Variants in INPP5A observed in about 807,000 individuals in gnomAD.
INPP5A encodes the protein 43 kDa inositol polyphosphate 5-phophatase.
INPP5A carries 14 observed loss-of-function variants against 65.2 expected under a neutral mutation model. That is an observed-to-expected ratio of 0.21 (90% CI 0.14 to 0.34). The LOEUF (loss-of-function observed/expected upper bound fraction) is 0.34. Among genes scored for constraint, INPP5A ranks in the 10% least tolerant of loss-of-function variants. INPP5A has a pLI of 1.00. For synonymous variants in INPP5A, 207 were observed against 208.3 expected (o/e 0.99, Z 0.05); for missense variants, 431 against 545.6 (o/e 0.79, Z 2.09).
intron 1 of INPP5A, among the ~76,000 whole-genome samples, chr10:132,597,615 G>T (rs762030414): frequency 1.3e-5 from 2 of 152,194 alleles, no homozygotes; most frequent in African/African-American, 2.4e-5. Context: ...CAGAGCGGTT[G>T]TAAAAACTGT....
intron 3 of INPP5A, among the ~76,000 whole-genome samples, chr10:132,649,613 A>G (rs931172805): frequency 6.6e-6 from 1 of 150,884 alleles, no homozygotes; most frequent in African/African-American, 2.4e-5. Flanking sequence ...TTCAATGTGG[A>G]CCCCCCTTCT....
In INPP5A at chr10:132,555,773, G is replaced by C. The variant is rs75509020; in HGVS notation, c.75+17602G>C. On this transcript the variant is annotated intron_variant, in intron 1 of 15. Coordinates refer to ENST00000368594, the MANE Select transcript of INPP5A (RefSeq NM_005539.5). The surrounding 1 kb of genome is among the most constrained non-coding windows in gnomAD (Gnocchi z 4.4). ...CTGACACACCTTGTCACACTCTGCA[G>C]GGTGTTTTGTTGCCCTCAGCACGTG... Among the ~76,000 whole-genome samples the C allele has an allele frequency of 9.4e-4, 143 of 152,310 alleles. 11 individuals carry two copies. The East Asian group carries it at 0.027, about 29-fold the overall frequency.
At chr10:132,658,808 G>A (rs898755894) in intron 4 of INPP5A, among the ~76,000 whole-genome samples, 5 of 152,078 alleles carry the variant, frequency 3.3e-5, no homozygotes, top group Non-Finnish European at 5.9e-5. Flanking sequence ...TGCTGAGACC[G>A]CCAAAGCCAC....
intron 2 of INPP5A, among the ~76,000 whole-genome samples, chr10:132,623,817 C>T (rs989935982): frequency 2.0e-5 from 3 of 152,076 alleles, no homozygotes; most frequent in Non-Finnish European, 4.4e-5. Context: ...AAGCAAAGAA[C>T]CCAATTTTAA....
rs1051053243 is a variant in INPP5A, at chr10:132,762,089, G to A, written c.904-3684G>A. ...AATGGGATGGCAGGCCTGGGGAATGGCCCAGAATGCAGCACAGAAACGTGG... is the reference window on the plus strand; with the variant it reads ...AATGGGATGGCAGGCCTGGGGAATGACCCAGAATGCAGCACAGAAACGTGG... On this transcript the variant is annotated intron_variant, in intron 11 of 15. Coordinates refer to ENST00000368594, the MANE Select transcript of INPP5A (RefSeq NM_005539.5). The surrounding 1 kb of genome is among the most constrained non-coding windows in gnomAD (Gnocchi z 4.6). Among the ~76,000 whole-genome samples the A allele has an allele frequency of 1.3e-5, 2 of 152,190 alleles. No homozygotes were observed. The highest frequency in any genetic ancestry group is 2.9e-5 in the Non-Finnish European group (2 of 68,036).
At chr10:132,625,137 C>T (rs547655025) in intron 2 of INPP5A, among the ~76,000 whole-genome samples, 2 of 133,316 alleles carry the variant, frequency 1.5e-5, no homozygotes, top group African/African-American at 5.5e-5. Context: ...TCCTTCCTTC[C>T]TTCCCTCCCT....
chr10:132,781,976 G>C, intron 15 of INPP5A, 28 bp downstream of exon 15: 1 of 1,612,892 alleles, frequency 6.2e-7, no homozygotes, highest in Non-Finnish European at 8.5e-7. Context: ...CTCCAGTTCA[G>C]CTTTTACGCA....
chr10:132,660,854 G>A (rs1046362907), intron 4 of INPP5A, among the ~76,000 whole-genome samples: 2 of 152,210 alleles, frequency 1.3e-5, no homozygotes, highest in African/African-American at 4.8e-5. Context: ...AATTCTTATT[G>A]AAGTAAATGC....
At chr10:132,548,943 C>T (rs1439094970) in intron 1 of INPP5A, among the ~76,000 whole-genome samples, 5 of 152,158 alleles carry the variant, frequency 3.3e-5, no homozygotes, top group East Asian at 1.9e-4. Context: ...GCCACAGGCG[C>T]GGCCACCATG....
At chr10:132,765,103 G>A (rs937072673) in intron 11 of INPP5A, among the ~76,000 whole-genome samples, 7 of 150,322 alleles carry the variant, frequency 4.7e-5, no homozygotes, top group Non-Finnish European at 8.9e-5. Context: ...GAGGGTGTGC[G>A]TGGTGACACT....
chr10:132,743,287 C>T (rs1276026195), intron 9 of INPP5A, among the ~76,000 whole-genome samples: 2 of 137,554 alleles, frequency 1.5e-5, no homozygotes, highest in Non-Finnish European at 3.1e-5. Flanking sequence ...GGACCGGGCC[C>T]GGGAGTGAGG....
intron 1 of INPP5A, among the ~76,000 whole-genome samples, chr10:132,585,859 CCA>C (rs2071538760): frequency 6.6e-6 from 1 of 152,202 alleles, no homozygotes; most frequent in Admixed American, 6.5e-5. Flanking sequence ...TTTCGGGTGT[CCA>C]CTGCTGGTTC....
intron 2 of INPP5A, among the ~76,000 whole-genome samples, chr10:132,625,753 G>C (rs2072173991): frequency 6.6e-6 from 1 of 152,150 alleles, no homozygotes; most frequent in African/African-American, 2.4e-5. Flanking sequence ...GCACGGAGCA[G>C]GGGGTTCTGG....
chr10:132,594,983 A>G (rs1354732443), intron 1 of INPP5A, among the ~76,000 whole-genome samples: 4 of 152,236 alleles, frequency 2.6e-5, no homozygotes, highest in Middle Eastern at 3.2e-3. Context: ...AAAAAATAGG[A>G]AAGTAATGCG....
intron 1 of INPP5A, among the ~76,000 whole-genome samples, chr10:132,606,120 G>A (rs1325675108): frequency 6.6e-6 from 1 of 152,172 alleles, no homozygotes; most frequent in African/African-American, 2.4e-5. Context: ...GGTGGCTCCT[G>A]GGCAGGGCTG....
chr10:132,780,811 C>T (rs1223292675), intron 13 of INPP5A, 38 bp from the exon 14 acceptor site: 4 of 1,579,094 alleles, frequency 2.5e-6, no homozygotes, highest in Non-Finnish European at 3.5e-6. Context: ...CAGGGTGCCC[C>T]ACCTCCCCAC....
At position 132,727,099 on chromosome 10, in the gene INPP5A, C is replaced by A. The variant is rs55746003; in HGVS notation, c.732+194C>A. 22,979 of 435,756 alleles carry A rather than the reference C, an allele frequency of 0.053. 1,386 individuals are homozygous for A. The highest frequency in any genetic ancestry group is 0.21 in the African/African-American group (10,499 of 49,700). 27.0% of individuals were successfully genotyped at this position (435,756 alleles called of 1,614,324 possible). A position where few individuals can be genotyped will look rare whatever the true frequency, so the allele number is the denominator to read the frequency against. ...GGGATCCGTGTTGGAATCCGGGGTG[C>A]GCGGGCCCTCAAGGTTGCCCCGGAT... On this transcript the variant is annotated intron_variant, in intron 9 of 15. Transcript: ENST00000368594. The surrounding 1 kb of genome is among the most constrained non-coding windows in gnomAD (Gnocchi z 6.5).
At chr10:132,556,380 C>G (rs547418277) in intron 1 of INPP5A, among the ~76,000 whole-genome samples, 1 of 152,172 alleles carries the variant, frequency 6.6e-6, no homozygotes, top group South Asian at 2.1e-4. Context: ...TGCACCTCCA[C>G]GGGGACCAGG....
intron 2 of INPP5A, among the ~76,000 whole-genome samples, chr10:132,631,811 C>T (rs2068901957): frequency 1.3e-5 from 2 of 152,212 alleles, no homozygotes; most frequent in South Asian, 2.1e-4. Flanking sequence ...ATGAAGCATC[C>T]AGTTCAAGGA....
Sources: allele counts gnomAD v4.1 joint callset (sites outside exome capture counted in the v4.1 genomes callset), GRCh38; gene constraint gnomAD v4.1.1; non-coding constraint Gnocchi (gnomAD v3.1); transcripts MANE v1.5; gene names NCBI Gene and HGNC (gene_info 2026-07-23, HGNC 2026-07-21).